The following TCF20 variants were observed in gnomAD, a reference collection of about 807,000 sequenced individuals.
TCF20 encodes the protein SPRE-binding protein.
TCF20 carries 3 observed loss-of-function variants against 148.6 expected under a neutral mutation model. That is an observed-to-expected ratio of 0.02 (90% CI 0.01 to 0.05). The LOEUF (loss-of-function observed/expected upper bound fraction) is 0.05, where lower values mean the gene tolerates loss of function less well. TCF20 is among the 10% of genes least tolerant of loss of function. The pLI is 1.00. For synonymous variants in TCF20, 1,049 were observed against 909.5 expected (o/e 1.15, Z -2.76); for missense variants, 2,350 against 2,429.3 (o/e 0.97, Z 0.69).
chr22:42,199,529 G>C (rs1937841294), intron 2 of TCF20, among the ~76,000 whole-genome samples: 1 of 151,982 alleles, frequency 6.6e-6, no homozygotes. Context: ...ATTAAATACA[G>C]TCTTGGTTTT....
At position 42,210,633 on chromosome 22, in the gene TCF20, G is replaced by A. The variant is rs780164765; in HGVS notation, c.4673C>T (p.Pro1558Leu). 2 of 1,614,166 alleles carry A rather than the reference G, an allele frequency of 1.2e-6. No homozygotes were observed. Among genetic ancestry groups the A allele is most frequent in the South Asian group, 1.1e-5 (1 of 91,078 alleles). The change falls in exon 2 of 6, where the codon CCT (proline) becomes CTT (leucine). Residue 1558 changes from proline to leucine, a missense_variant. By Grantham distance (98) the Pro-to-Leu change is moderately conservative. Coordinates refer to ENST00000677622, the MANE Select transcript of TCF20 (RefSeq NM_001378418.1). This position sits in a 1 kb window ranked among gnomAD's most constrained non-coding sequence, Gnocchi z 4.7. ...NKQKKQQQPPPPPPQPPQIPE... is the reference protein window; with the variant it reads ...NKQKKQQQPPLPPPQPPQIPE... Reference sequence around the variant, plus strand: ...TATCTGTGGGGGCTGAGGGGGTGGAGGCGGTGGCTGCTGCTGTTTCTTTTG... The same window carrying A: ...TATCTGTGGGGGCTGAGGGGGTGGAAGCGGTGGCTGCTGCTGTTTCTTTTG...
chr22:42,305,670 ACCCTGGCCTCCCCAGACTGCCTT>A (rs1167406148), intron 1 of TCF20, among the ~76,000 whole-genome samples: 4 of 151,826 alleles, frequency 2.6e-5, no homozygotes, highest in Admixed American at 2.6e-4. Flanking sequence ...GTCCTTCCAG[ACCCTGGCCTCCCCAGACTGCCTT>A]CCCTGGTCTC....
At chr22:42,309,255 C>T (rs1927489741) in intron 1 of TCF20, among the ~76,000 whole-genome samples, 1 of 152,152 alleles carries the variant, frequency 6.6e-6, no homozygotes, top group Admixed American at 6.5e-5. Context: ...CCAAGGTCTC[C>T]ACCAGGGGAC....
intron 1 of TCF20, among the ~76,000 whole-genome samples, chr22:42,235,950 T>C (rs760211842): frequency 7.2e-5 from 11 of 152,132 alleles, no homozygotes; most frequent in Non-Finnish European, 1.2e-4. Flanking sequence ...TCCCAGCACT[T>C]TGGGAGGCCG....
At chr22:42,320,673 G>A (rs1601705619) in intron 1 of TCF20, among the ~76,000 whole-genome samples, 1 of 152,208 alleles carries the variant, frequency 6.6e-6, no homozygotes, top group African/African-American at 2.4e-5. Flanking sequence ...GGACTGATGT[G>A]GGGATGAATG....
At chr22:42,224,833 G>T (rs1012886108) in intron 1 of TCF20, among the ~76,000 whole-genome samples, 1 of 152,056 alleles carries the variant, frequency 6.6e-6, no homozygotes, top group African/African-American at 2.4e-5. Context: ...TTATACCTGT[G>T]CTATGATTAT....
intron 1 of TCF20, among the ~76,000 whole-genome samples, chr22:42,307,739 C>T (rs931949162): frequency 6.6e-6 from 1 of 152,158 alleles, no homozygotes; most frequent in Non-Finnish European, 1.5e-5. Context: ...CCACTCACAC[C>T]CCTTGGGCTA....
chr22:42,193,441 C>CT (rs557141540), intron 2 of TCF20, among the ~76,000 whole-genome samples: 44 of 151,946 alleles, frequency 2.9e-4, no homozygotes, highest in African/African-American at 1.0e-3. Context: ...GAGGAATCCT[C>CT]TTGCCTCTAC....
rs1920933396 is a variant in TCF20 at position 42,210,333 on chromosome 22, G to A, written c.4973C>T (p.Thr1658Ile). ...TIINAEEEEQ[T>I]KLVRGRKGQR... ...ACCCTTCCTGCCCCTCACTAATTTG[G>A]TCTGTTCTTCTTCCTCAGCATTGAT... The change falls in exon 2 of 6, where the codon ACC (threonine) becomes ATC (isoleucine). Residue 1658 changes from threonine (T) to isoleucine (I), a missense_variant. Around this residue, in one of 7 missense-constraint regions of TCF20, gnomAD observed 374 missense variants for 398.3 expected, o/e 0.94. Transcript: ENST00000677622. The surrounding 1 kb of genome is among the most constrained non-coding windows in gnomAD (Gnocchi z 4.7). The A allele has an allele frequency of 3.1e-6, 5 of 1,614,168 alleles. No homozygotes were observed. Among genetic ancestry groups the A allele is most frequent in the Non-Finnish European group, 4.2e-6 (5 of 1,180,026 alleles).
chr22:42,299,055 C>T lies in TCF20; in HGVS notation c.-37+44424G>A, dbSNP rs1436342227. On this transcript the variant is annotated intron_variant, in intron 1 of 1. Transcript: ENST00000515426. The surrounding 1 kb of genome is among the most constrained non-coding windows in gnomAD (Gnocchi z 4.1). ...AATAACCATGGCAGTGATGGGTGGG[C>T]TCCAAGGGTTCCCACACCCACCGCC... is the stretch of plus-strand genomic sequence containing the variant. 6.6e-6 allele frequency among the ~76,000 whole-genome samples: 1 copy of T among 152,158 alleles called. No individual in the cohort carries two copies. The highest frequency in any genetic ancestry group is 2.1e-4 in the South Asian group (1 of 4,832).
intron 5 of TCF20, among the ~76,000 whole-genome samples, chr22:42,164,643 A>C (rs1306290522): frequency 6.6e-6 from 1 of 152,224 alleles, no homozygotes; most frequent in Non-Finnish European, 1.5e-5. Flanking sequence ...TGGAGCTTAC[A>C]GTCTAGTGGA....
At chr22:42,270,696 G>A (rs1344757015), upstream of TCF20, among the ~76,000 whole-genome samples, 1 of 140,024 alleles carries the variant, frequency 7.1e-6, no homozygotes, top group Non-Finnish European at 1.6e-5. Flanking sequence ...GAGGCTCCGG[G>A]CCGCGGCGCG....
At chr22:42,243,726 G>T (rs962178024) in intron 1 of TCF20, among the ~76,000 whole-genome samples, 2 of 152,136 alleles carry the variant, frequency 1.3e-5, no homozygotes, top group African/African-American at 2.4e-5. Context: ...TGGAACCTAT[G>T]GTTGGATTGA....
intron 1 of TCF20, among the ~76,000 whole-genome samples, chr22:42,227,202 G>C (rs569646000): frequency 1.2e-4 from 18 of 152,238 alleles, no homozygotes; most frequent in African/African-American, 4.3e-4. Context: ...AGAATCACTT[G>C]AACTCTGGAG....
chr22:42,277,744 T>G (rs191156156), intron 1 of TCF20, among the ~76,000 whole-genome samples: 25 of 152,330 alleles, frequency 1.6e-4, no homozygotes, highest in African/African-American at 5.8e-4. Flanking sequence ...AGCCAGTATG[T>G]ATTTAGACGC....
At chr22:42,250,994 G>A (rs1925321136) in intron 1 of TCF20, among the ~76,000 whole-genome samples, 1 of 152,192 alleles carries the variant, frequency 6.6e-6, no homozygotes, top group Non-Finnish European at 1.5e-5. Context: ...ACAGCATCAA[G>A]GGGATGGTAC....
intron 1 of TCF20, among the ~76,000 whole-genome samples, chr22:42,238,464 T>C (rs954587891): frequency 6.6e-6 from 1 of 152,246 alleles, no homozygotes; most frequent in African/African-American, 2.4e-5. Flanking sequence ...CTTTTAACTT[T>C]CTTCAAGAAC....
intron 3 of TCF20, among the ~76,000 whole-genome samples, chr22:42,175,029 T>C (rs1441831392): frequency 6.6e-6 from 1 of 151,176 alleles, no homozygotes; most frequent in African/African-American, 2.4e-5. Flanking sequence ...AGCGAGACTC[T>C]GTCTCAAAAA....
chr22:42,248,030 A>G, intron 1 of TCF20, among the ~76,000 whole-genome samples: 1 of 152,212 alleles, frequency 6.6e-6, no homozygotes, highest in South Asian at 2.1e-4. Context: ...GCACTACTCT[A>G]GGAAACATGG....
Sources: allele counts gnomAD v4.1 joint callset (sites outside exome capture counted in the v4.1 genomes callset), GRCh38; gene constraint gnomAD v4.1.1; regional missense constraint gnomAD v4.1.1; non-coding constraint Gnocchi (gnomAD v3.1); transcripts MANE v1.5; gene names NCBI Gene and HGNC (gene_info 2026-07-23, HGNC 2026-07-21).